The following NTRK3 variants were observed in gnomAD, a reference collection of about 807,000 sequenced individuals.
NTRK3 encodes the protein NT-3 growth factor receptor.
Under a neutral mutation model 91.7 loss-of-function variants are expected in NTRK3, and 24 were observed. That is an observed-to-expected ratio of 0.26 (90% CI 0.19 to 0.37). The LOEUF (loss-of-function observed/expected upper bound fraction) is 0.37. NTRK3 is among the 10% of genes least tolerant of loss of function. The pLI is 1.00. For missense variants in NTRK3, 880 were observed against 1,068.9 expected (o/e 0.82, Z 2.46); for synonymous variants, 483 against 404.0 (o/e 1.20, Z -2.34).
intron 14 of NTRK3, among the ~76,000 whole-genome samples, chr15:88,012,411 C>T (rs750563305): frequency 5.9e-5 from 9 of 152,214 alleles, no homozygotes; most frequent in African/African-American, 1.4e-4. Flanking sequence ...CTTACATCCT[C>T]CTTCTCACTC....
chr15:88,240,747 G>A lies in NTRK3; in HGVS notation c.248+15159C>T, dbSNP rs2052268835. Among the ~76,000 whole-genome samples the A allele has an allele frequency of 6.6e-6, 1 of 152,180 alleles. No individual in the cohort carries two copies. Among genetic ancestry groups the A allele is most frequent in the Non-Finnish European group, 1.5e-5 (1 of 68,034 alleles). On this transcript the variant is annotated intron_variant, in intron 3 of 18. Transcript: ENST00000394480. This position sits in a 1 kb window ranked among gnomAD's most constrained non-coding sequence, Gnocchi z 4.9. ...TGTCACTGTGCTGAGAATGGAAGCG[G>A]GTTAAAATAAAAGTCCCCTTAAAGG...
chr15:88,191,481 A>G (rs1567617619), intron 3 of NTRK3, among the ~76,000 whole-genome samples: 1 of 152,178 alleles, frequency 6.6e-6, no homozygotes, highest in Non-Finnish European at 1.5e-5. Flanking sequence ...CTACTCCTCC[A>G]ACACAAAATT....
chr15:88,012,925 C>T (rs531250367), intron 14 of NTRK3, among the ~76,000 whole-genome samples: 2 of 152,356 alleles, frequency 1.3e-5, no homozygotes, highest in East Asian at 3.9e-4. Flanking sequence ...CCAGTTAATG[C>T]TGATGCTGCT....
At chr15:88,219,365 C>T (rs2032562073) in intron 3 of NTRK3, among the ~76,000 whole-genome samples, 1 of 152,226 alleles carries the variant, frequency 6.6e-6, no homozygotes, top group South Asian at 2.1e-4. Context: ...CAGACGGGGG[C>T]CAAGAGGAGA....
intron 5 of NTRK3, among the ~76,000 whole-genome samples, chr15:88,167,661 C>G (rs1464359966): frequency 6.6e-6 from 1 of 152,146 alleles, no homozygotes; most frequent in African/African-American, 2.4e-5. Flanking sequence ...TGAGGGGAGG[C>G]ATGTCAGTGG....
At chr15:88,055,986 G>A (rs536913240) in intron 13 of NTRK3, among the ~76,000 whole-genome samples, 105 of 151,984 alleles carry the variant, frequency 6.9e-4, no homozygotes, top group Non-Finnish European at 1.1e-3. Context: ...AAAGTGCCCC[G>A]GCAGCAGGAT....
intron 14 of NTRK3, among the ~76,000 whole-genome samples, chr15:88,028,278 G>A (rs1433124720): frequency 5.3e-5 from 8 of 152,192 alleles, no homozygotes; most frequent in Non-Finnish European, 1.2e-4. Flanking sequence ...TGGAGACCAT[G>A]TGTCTCTTGT....
At position 87,990,065 on chromosome 15, in the gene NTRK3, A is replaced by G. The variant is rs573371561; in HGVS notation, c.1585+42792T>C. Among the ~76,000 whole-genome samples, 152 of 152,228 alleles carry G rather than the reference A, an allele frequency of 1.0e-3. 1 individual carries two copies. Among genetic ancestry groups the G allele is most frequent in the African/African-American group, 3.5e-3 (146 of 41,528 alleles). On this transcript the variant is annotated intron_variant, in intron 14 of 18. Coordinates refer to ENST00000394480, the Ensembl canonical transcript of NTRK3. ...TAGCTTCCTGGGACTTCAATTATAAACCAAATCCTATAATAATGACTTGGA... is the reference window on the plus strand; with the variant it reads ...TAGCTTCCTGGGACTTCAATTATAAGCCAAATCCTATAATAATGACTTGGA...
chr15:88,164,454 G>A (rs1011445935), intron 5 of NTRK3, among the ~76,000 whole-genome samples: 1 of 152,162 alleles, frequency 6.6e-6, no homozygotes, highest in African/African-American at 2.4e-5. Context: ...TATTCTCCAG[G>A]ATCTCATCTG....
chr15:88,069,305 A>C (rs1173613933), intron 13 of NTRK3, among the ~76,000 whole-genome samples: 1 of 152,242 alleles, frequency 6.6e-6, no homozygotes, highest in African/African-American at 2.4e-5. Flanking sequence ...AGAGCACCCC[A>C]AAGACCTATG....
chr15:88,095,712 T>C (rs1047371352), intron 13 of NTRK3, among the ~76,000 whole-genome samples: 3 of 152,188 alleles, frequency 2.0e-5, no homozygotes, highest in African/African-American at 4.8e-5. Context: ...GGTCTAAAGA[T>C]TGAGCACCAG....
chr15:87,870,229 T>C (rs970650207), exon 19 of NTRK3: 1 of 186,456 alleles, frequency 5.4e-6, no homozygotes, highest in Admixed American at 6.2e-5. Flanking sequence ...AACATATATA[T>C]GTATGATGGA....
In NTRK3 at chr15:88,084,634, G is replaced by A. The variant is rs560638136; in HGVS notation, c.1396+41637C>T. ...AGAATGACCACTGCTCCAGCCTCAC[G>A]TCTCCTTTCCCCCAACCCTCTCACC... On this transcript the variant is annotated intron_variant, in intron 13 of 18. Coordinates refer to ENST00000394480, the Ensembl canonical transcript of NTRK3. Among the ~76,000 whole-genome samples, 105 of 152,280 alleles carry A rather than the reference G, an allele frequency of 6.9e-4. 1 individual carries two copies. Among genetic ancestry groups the A allele is most frequent in the Admixed American group, 5.1e-3 (78 of 15,302 alleles).
intron 13 of NTRK3, among the ~76,000 whole-genome samples, chr15:88,082,197 G>A (rs900879470): frequency 5.3e-5 from 8 of 151,276 alleles, no homozygotes; most frequent in African/African-American, 1.7e-4. Flanking sequence ...AGAATGGAGT[G>A]AACCCGGGAG....
exon 19 of NTRK3, chr15:87,877,111 A>G (rs1466525033): frequency 6.2e-6 from 10 of 1,613,910 alleles, no homozygotes; most frequent in Non-Finnish European, 8.5e-6. Context: ...TGGGTAATGC[A>G]CTCAATGACC....
At chr15:88,184,124 A>G in intron 4 of NTRK3, 101 bp downstream of exon 4, 1 of 1,127,408 alleles carries the variant, frequency 8.9e-7, no homozygotes, top group Non-Finnish European at 1.3e-6. Context: ...GAAAGCACGG[A>G]TGGCAGTCTT....
chr15:87,939,614 C>G (rs1164372802), intron 15 of NTRK3, among the ~76,000 whole-genome samples: 1 of 152,164 alleles, frequency 6.6e-6, no homozygotes, highest in Non-Finnish European at 1.5e-5. Context: ...TCCCTCAATG[C>G]TAAGGATGGG....
chr15:88,037,998 C>A (rs1297936166), intron 13 of NTRK3, among the ~76,000 whole-genome samples: 1 of 152,224 alleles, frequency 6.6e-6, no homozygotes, highest in African/African-American at 2.4e-5. Flanking sequence ...TAACCCTCCA[C>A]CAGCACTGCC....
intron 3 of NTRK3, among the ~76,000 whole-genome samples, chr15:88,207,793 G>A (rs1323351606): frequency 6.6e-6 from 1 of 152,172 alleles, no homozygotes; most frequent in Non-Finnish European, 1.5e-5. Context: ...ACAGACCAGG[G>A]CCAGATGTGC....
Sources: allele counts gnomAD v4.1 joint callset (sites outside exome capture counted in the v4.1 genomes callset), GRCh38; gene constraint gnomAD v4.1.1; non-coding constraint Gnocchi (gnomAD v3.1); transcripts MANE v1.5; gene names NCBI Gene and HGNC (gene_info 2026-07-23, HGNC 2026-07-21).